Variants in MAGI3 observed in about 807,000 individuals in gnomAD.
MAGI3 encodes membrane-associated guanylate kinase, WW and PDZ domain-containing protein 3.
MAGI3 carries 43 observed loss-of-function variants against 121.8 expected under a neutral mutation model. The ratio of observed to expected loss-of-function variants is 0.35; its 90% CI spans 0.28 to 0.46. The LOEUF (loss-of-function observed/expected upper bound fraction) is 0.46. Ranked by LOEUF, MAGI3 falls within the 20% of genes least tolerant of loss-of-function variation. The pLI is 1.00. For synonymous variants in MAGI3, 553 were observed against 639.3 expected, an observed-to-expected ratio of 0.86 and a Z score of 2.04; for missense variants, 1,547 against 1,797.3, an observed-to-expected ratio of 0.86 and a Z score of 2.52.
intron 2 of MAGI3, among the ~76,000 whole-genome samples, chr1:113,565,827 T>C (rs1398841558): frequency 6.6e-6 from 1 of 152,220 alleles, no homozygotes; most frequent in Admixed American, 6.5e-5. Flanking sequence ...TAAGACTGAC[T>C]TGAGTGTATT....
At chr1:113,397,308 T>C (rs907758190) in intron 1 of MAGI3, among the ~76,000 whole-genome samples, 1 of 152,218 alleles carries the variant, frequency 6.6e-6, no homozygotes, top group African/African-American at 2.4e-5. Flanking sequence ...TTTTTTCTTT[T>C]TAATATCTTG....
At chr1:113,670,655 AAAT>A (rs1647493963) in intron 16 of MAGI3, among the ~76,000 whole-genome samples, 1 of 152,216 alleles carries the variant, frequency 6.6e-6, no homozygotes, top group East Asian at 1.9e-4. Context: ...ATGATGATGA[AAAT>A]GATGATAGTT....
At chr1:113,623,291 A>G (rs547683798) in intron 9 of MAGI3, among the ~76,000 whole-genome samples, 3 of 152,120 alleles carry the variant, frequency 2.0e-5, no homozygotes, top group Admixed American at 6.5e-5. Context: ...GTTGTGTTAT[A>G]AACAACCCGT....
At chr1:113,676,434 A>T (rs1385824921) in intron 19 of MAGI3, among the ~76,000 whole-genome samples, 4 of 152,222 alleles carry the variant, frequency 2.6e-5, no homozygotes, top group African/African-American at 9.6e-5. Context: ...TTTATGAATG[A>T]GCAGAAACTT....
intron 6 of MAGI3, among the ~76,000 whole-genome samples, chr1:113,606,930 C>A (rs1433347573): frequency 1.3e-5 from 2 of 152,146 alleles, no homozygotes; most frequent in Non-Finnish European, 2.9e-5. Flanking sequence ...ATGCCCACCA[C>A]TAGGATATTA....
At chr1:113,583,754 C>CAGAAAGTTTGT (rs1553202550) in intron 3 of MAGI3, among the ~76,000 whole-genome samples, 2 of 151,968 alleles carry the variant, frequency 1.3e-5, no homozygotes, top group African/African-American at 4.8e-5. Context: ...AGAAAGTTTG[C>CAGAAAGTTTGT]AGAAAGTTTA....
intron 1 of MAGI3, among the ~76,000 whole-genome samples, chr1:113,534,256 C>T (rs1658862309): frequency 6.6e-6 from 1 of 152,152 alleles, no homozygotes; most frequent in South Asian, 2.1e-4. Context: ...ACATTGTTGC[C>T]AGAATGATCC....
chr1:113,427,368 G>C (rs1653063150), intron 1 of MAGI3, among the ~76,000 whole-genome samples: 1 of 152,228 alleles, frequency 6.6e-6, no homozygotes, highest in Admixed American at 6.5e-5. Flanking sequence ...GAGAATCTCA[G>C]ACCTTGTGGG....
At chr1:113,607,298 T>A (rs1649833246) in intron 6 of MAGI3, among the ~76,000 whole-genome samples, 1 of 152,232 alleles carries the variant, frequency 6.6e-6, no homozygotes, top group African/African-American at 2.4e-5. Flanking sequence ...TATCACATAC[T>A]CTAACCAGAG....
chr1:113,674,117 C>T (rs567754441), intron 19 of MAGI3, among the ~76,000 whole-genome samples: 47 of 152,250 alleles, frequency 3.1e-4, no homozygotes, highest in African/African-American at 8.7e-4. Context: ...TGCTGCTGGG[C>T]GCGGTGGCTC....
chr1:113,605,243 G>A (rs1237289), intron 6 of MAGI3, among the ~76,000 whole-genome samples: 115,318 of 151,970 alleles, frequency 0.76, 44,513 homozygotes, highest in African/African-American at 0.86. Flanking sequence ...AAACATCCCA[G>A]ATATCTATCA....
At chr1:113,680,481 G>A (rs1648144820) in intron 19 of MAGI3, among the ~76,000 whole-genome samples, 1 of 152,162 alleles carries the variant, frequency 6.6e-6, no homozygotes, top group South Asian at 2.1e-4. Context: ...CACAGGGCCG[G>A]GCGCGGTGGC....
chr1:113,505,553 A>AATAAATAAATAT (rs1051747568), intron 1 of MAGI3, among the ~76,000 whole-genome samples: 72 of 148,652 alleles, frequency 4.8e-4, no homozygotes, highest in Middle Eastern at 3.5e-3. Context: ...TAAATAAATA[A>AATAAATAAATAT]ATATATAATG....
intron 1 of MAGI3, among the ~76,000 whole-genome samples, chr1:113,483,790 C>T (rs1040424455): frequency 3.3e-5 from 5 of 151,980 alleles, no homozygotes; most frequent in African/African-American, 4.8e-5. Context: ...TTTCACACGT[C>T]GGAAGAGTTG....
chr1:113,522,353 C>T (rs879803861), intron 1 of MAGI3, among the ~76,000 whole-genome samples: 1 of 152,202 alleles, frequency 6.6e-6, no homozygotes, highest in Admixed American at 6.5e-5. Context: ...GACCTGCCTG[C>T]CTCAATCTCC....
In MAGI3 at chr1:113,422,649, C is replaced by A. The variant is rs753229234; in HGVS notation, c.316+31300C>A. ...AAGGGTGCATCTATACCAGACATAC[C>A]GCAAGCAGCTTCTGCTGCGGGCACT... On this transcript the variant is annotated intron_variant, in intron 1 of 20. Coordinates refer to ENST00000307546, the MANE Select transcript of MAGI3 (RefSeq NM_001142782.2). This position sits in a 1 kb window ranked among gnomAD's most constrained non-coding sequence, Gnocchi z 4.3. Among the ~76,000 whole-genome samples, 2 of 152,244 alleles carry A rather than the reference C, an allele frequency of 1.3e-5. No homozygotes were observed. The highest frequency in any genetic ancestry group is 4.8e-5 in the African/African-American group (2 of 41,480).
At chr1:113,594,668 C>T (rs1433273815) in intron 6 of MAGI3, 108 bp downstream of exon 6, 1 of 787,394 alleles carries the variant, frequency 1.3e-6, no homozygotes, top group East Asian at 2.8e-5. Context: ...ATAATGTACA[C>T]AAGCAAAAAA....
intron 2 of MAGI3, among the ~76,000 whole-genome samples, chr1:113,567,983 C>T (rs911061177): frequency 1.3e-5 from 2 of 152,086 alleles, no homozygotes; most frequent in African/African-American, 4.8e-5. Flanking sequence ...ATCTCAAAAG[C>T]ATTATGCTAA....
chr1:113,515,803 A>G (rs1657868047), intron 1 of MAGI3, among the ~76,000 whole-genome samples: 1 of 152,078 alleles, frequency 6.6e-6, no homozygotes. Context: ...TTTAAAAGAC[A>G]GTATATGTAG....
Sources: allele counts gnomAD v4.1 joint callset (sites outside exome capture counted in the v4.1 genomes callset), GRCh38; gene constraint gnomAD v4.1.1; non-coding constraint Gnocchi (gnomAD v3.1); transcripts MANE v1.5; gene names NCBI Gene and HGNC (gene_info 2026-07-23, HGNC 2026-07-21).